SNTG1: variants seen among roughly 807,000 people sequenced by gnomAD.
The protein encoded by SNTG1 is syntrophin gamma 1.
Under a neutral mutation model 74.7 loss-of-function variants are expected in SNTG1, and 39 were observed. The observed-to-expected ratio is 0.52, with a 90% CI of 0.40 to 0.68. The LOEUF (loss-of-function observed/expected upper bound fraction) is 0.68, where lower values mean the gene tolerates loss of function less well. Ranked by LOEUF, SNTG1 falls within the 30% of genes least tolerant of loss-of-function variation. The pLI is 0.00. For missense variants in SNTG1, 685 were observed against 609.5 expected, an observed-to-expected ratio of 1.12 and a Z score of -1.30; for synonymous variants, 254 against 217.1, an observed-to-expected ratio of 1.17 and a Z score of -1.49.
intron 2 of SNTG1, among the ~76,000 whole-genome samples, chr8:50,191,316 A>T (rs988758372): frequency 6.6e-6 from 1 of 152,122 alleles, no homozygotes; most frequent in African/African-American, 2.4e-5. Context: ...GTTCATCAGA[A>T]GCAGTATTGA....
At chr8:50,494,635 T>C (rs2093887828) in intron 8 of SNTG1, among the ~76,000 whole-genome samples, 1 of 152,066 alleles carries the variant, frequency 6.6e-6, no homozygotes, top group Non-Finnish European at 1.5e-5. Flanking sequence ...GCTTGAATCA[T>C]TGAGGAAATC....
chr8:50,463,514 G>A (rs1279550103), intron 8 of SNTG1, among the ~76,000 whole-genome samples: 1 of 152,116 alleles, frequency 6.6e-6, no homozygotes, highest in Non-Finnish European at 1.5e-5. Context: ...AGGGCTCTTG[G>A]GCGAGCAGGT....
At chr8:50,583,923 T>TC (rs2094629303) in intron 12 of SNTG1, among the ~76,000 whole-genome samples, 1 of 151,960 alleles carries the variant, frequency 6.6e-6, no homozygotes. Context: ...CCCTCCCCGC[T>TC]CCCTCCACCC....
intron 18 of SNTG1, among the ~76,000 whole-genome samples, chr8:50,786,358 T>C (rs1291373659): frequency 6.6e-6 from 1 of 151,862 alleles, no homozygotes; most frequent in Admixed American, 6.6e-5. Context: ...GGAAAGAAAT[T>C]CAAGAAGATT....
At chr8:50,382,116 G>C (rs1015354838) in intron 2 of SNTG1, 5 of 151,722 alleles carry the variant, frequency 3.3e-5, no homozygotes, top group Non-Finnish European at 7.4e-5. Context: ...CCAGATTAAG[G>C]GTGGTTCTGA....
Position 50,147,040 on chromosome 8 carries a change from T to C in SNTG1, c.-102-25521T>C, listed in dbSNP as rs918040608. On this transcript the variant is annotated intron_variant, in intron 1 of 18. Transcript: ENST00000642720. Reference sequence around the variant, plus strand: ...TAATTAAGTCCAATTTTTAATTTTTTTTTTACCATATATCCTGTTGATGTT... The same window carrying C: ...TAATTAAGTCCAATTTTTAATTTTTCTTTTACCATATATCCTGTTGATGTT... 8.5e-5 allele frequency among the ~76,000 whole-genome samples: 13 copies of C among 152,322 alleles called. 1 individual carries two copies. The highest frequency in any genetic ancestry group is 2.9e-4 in the African/African-American group (12 of 41,578).
At chr8:50,513,338 C>T (rs909962243) in intron 9 of SNTG1, among the ~76,000 whole-genome samples, 5 of 152,198 alleles carry the variant, frequency 3.3e-5, no homozygotes, top group African/African-American at 1.2e-4. Flanking sequence ...TGGGGGGTGC[C>T]TCTCAGTTAG....
intron 1 of SNTG1, among the ~76,000 whole-genome samples, chr8:50,171,050 A>G (rs2131646787): frequency 6.6e-6 from 1 of 152,246 alleles, no homozygotes; most frequent in Non-Finnish European, 1.5e-5. Context: ...GATGACAGCT[A>G]CAAAATCCTT....
intron 1 of SNTG1, among the ~76,000 whole-genome samples, chr8:49,932,060 T>G (rs1216059281): frequency 6.6e-6 from 1 of 152,162 alleles, no homozygotes; most frequent in Non-Finnish European, 1.5e-5. Flanking sequence ...GTTATACAAT[T>G]GAAGCATTAA....
intron 2 of SNTG1, among the ~76,000 whole-genome samples, chr8:50,390,151 C>G (rs899526596): frequency 6.6e-6 from 1 of 151,594 alleles, no homozygotes; most frequent in Non-Finnish European, 1.5e-5. Context: ...GATATGAAGT[C>G]CTTGTCCATG....
At chr8:50,008,372 A>G (rs1815451566) in intron 1 of SNTG1, among the ~76,000 whole-genome samples, 1 of 152,212 alleles carries the variant, frequency 6.6e-6, no homozygotes, top group South Asian at 2.1e-4. Flanking sequence ...TTCTTAGTGC[A>G]GTGTCTGGAT....
intron 2 of SNTG1, among the ~76,000 whole-genome samples, chr8:50,304,628 CAA>C (rs571958747): frequency 6.6e-6 from 1 of 151,538 alleles, no homozygotes; most frequent in Admixed American, 6.6e-5. Flanking sequence ...CATTACAGAA[CAA>C]AAAAAAGTAT....
intron 15 of SNTG1, among the ~76,000 whole-genome samples, chr8:50,660,313 C>G (rs73569429): frequency 0.077 from 8,544 of 111,554 alleles, 859 homozygotes; most frequent in African/African-American, 0.27. Flanking sequence ...GAAAGAGAGA[C>G]AGTAAGAAGG....
At chr8:50,540,491 C>T (rs1002062561) in intron 11 of SNTG1, among the ~76,000 whole-genome samples, 11 of 151,968 alleles carry the variant, frequency 7.2e-5, no homozygotes, top group Admixed American at 2.6e-4. Context: ...CTGTGTTGTA[C>T]GTATTTCAAT....
chr8:50,322,748 T>C (rs1469304104), intron 2 of SNTG1, among the ~76,000 whole-genome samples: 1 of 152,080 alleles, frequency 6.6e-6, no homozygotes, highest in Non-Finnish European at 1.5e-5. Context: ...TTGTCTCTTC[T>C]AACTATATAT....
intron 12 of SNTG1, among the ~76,000 whole-genome samples, chr8:50,584,277 ACC>A (rs893670894): frequency 1.7e-4 from 23 of 138,156 alleles, no homozygotes; most frequent in Middle Eastern, 7.5e-3. Context: ...TTGGGTATAT[ACC>A]CAGTAATGGG....
At chr8:50,655,615 G>A (rs1389584785) in intron 13 of SNTG1, among the ~76,000 whole-genome samples, 1 of 152,052 alleles carries the variant, frequency 6.6e-6, no homozygotes, top group East Asian at 1.9e-4. Flanking sequence ...TAGCTCATAG[G>A]CTTATTGTAA....
chr8:50,740,581 T>A (rs1401109698), intron 17 of SNTG1, among the ~76,000 whole-genome samples: 2 of 152,060 alleles, frequency 1.3e-5, no homozygotes, highest in African/African-American at 4.8e-5. Context: ...GACAGTATGG[T>A]AATTCCTCAA....
intron 2 of SNTG1, among the ~76,000 whole-genome samples, chr8:50,201,859 GCTT>G (rs1239161104): frequency 6.6e-6 from 1 of 151,944 alleles, no homozygotes; most frequent in Non-Finnish European, 1.5e-5. Context: ...GAATCATTTA[GCTT>G]CTTCTTGTCT....
Sources: gnomAD v4.1 joint callset for allele counts (sites outside exome capture counted in the v4.1 genomes callset) on GRCh38, gnomAD v4.1.1 for gene constraint, MANE v1.5 for transcripts, NCBI Gene and HGNC (gene_info 2026-07-23, HGNC 2026-07-21) for gene names.